RBFOX3: variants seen among roughly 807,000 people sequenced by gnomAD.
RBFOX3 encodes the protein RNA binding protein fox-1 homolog 3.
In RBFOX3, 17 loss-of-function variants were observed where a neutral mutation model predicts 48.7. That is an observed-to-expected ratio of 0.35 (90% CI 0.24 to 0.52). The LOEUF is 0.52. Ranked by LOEUF, RBFOX3 falls within the 20% of genes least tolerant of loss-of-function variation. RBFOX3 has a pLI of 0.94. For missense variants in RBFOX3, 382 were observed against 497.5 expected (o/e 0.77, Z 2.21); for synonymous variants, 212 against 209.5 (o/e 1.01, Z -0.10).
chr17:79,100,399 G>C (rs2076194772), intron 9 of RBFOX3: 1 of 152,252 alleles, frequency 6.6e-6, no homozygotes, highest in Non-Finnish European at 1.5e-5. Flanking sequence ...AAAAGAATTT[G>C]AGATGTGTAA....
intron 1 of RBFOX3, among the ~76,000 whole-genome samples, chr17:79,610,273 G>T (rs2093941842): frequency 1.3e-5 from 2 of 151,986 alleles, no homozygotes; most frequent in African/African-American, 4.8e-5. Context: ...CTCTCTCCGG[G>T]CCTGGGTGCC....
At chr17:79,406,129 G>A (rs1219366862) in intron 2 of RBFOX3, among the ~76,000 whole-genome samples, 1 of 152,194 alleles carries the variant, frequency 6.6e-6, no homozygotes. Context: ...GGGCTCTTGT[G>A]AACAGAGCTG....
At chr17:79,113,049 C>T (rs562398888) in intron 5 of RBFOX3, among the ~76,000 whole-genome samples, 9 of 152,090 alleles carry the variant, frequency 5.9e-5, no homozygotes, top group Non-Finnish European at 1.3e-4. Context: ...AAGCTCTGAA[C>T]TCATCCCACT....
chr17:79,110,126 C>G (rs1308684627), intron 5 of RBFOX3, among the ~76,000 whole-genome samples: 2 of 100,592 alleles, frequency 2.0e-5, no homozygotes, highest in Admixed American at 2.1e-4. Flanking sequence ...TTCTTTCCCC[C>G]ACTCAAAAAA....
the RBFOX3 span, among the ~76,000 whole-genome samples, chr17:79,656,507 G>C: frequency 6.6e-6 from 1 of 151,826 alleles, no homozygotes; most frequent in Non-Finnish European, 1.5e-5. Flanking sequence ...GCAGCTATTC[G>C]GGAGGCTGAG....
At chr17:79,264,289 T>C (rs1429002694) in intron 3 of RBFOX3, among the ~76,000 whole-genome samples, 1 of 151,852 alleles carries the variant, frequency 6.6e-6, no homozygotes, top group Non-Finnish European at 1.5e-5. Flanking sequence ...TTGACCAGGC[T>C]GGTCTCGAAC....
intron 1 of RBFOX3, among the ~76,000 whole-genome samples, chr17:79,507,037 G>C (rs1340168516): frequency 6.6e-6 from 1 of 152,220 alleles, no homozygotes; most frequent in Non-Finnish European, 1.5e-5. Flanking sequence ...GAGCCCGTTG[G>C]TGGAATCTGA....
chr17:79,423,257 G>A lies in RBFOX3; in HGVS notation c.-175+59197C>T, dbSNP rs1555723723. Among the ~76,000 whole-genome samples the A allele has an allele frequency of 6.6e-6, 1 of 152,152 alleles. No homozygotes were observed. The highest frequency in any genetic ancestry group is 1.5e-5 in the Non-Finnish European group (1 of 68,022). On this transcript the variant is annotated intron_variant, in intron 2 of 14. Coordinates refer to ENST00000693108, the MANE Select transcript of RBFOX3 (RefSeq NM_001350451.2). The surrounding 1 kb of genome is among the most constrained non-coding windows in gnomAD (Gnocchi z 4.9). Reference sequence around the variant, plus strand: ...CATCTTTCCAGGTTCCCAGGTACAAGTTCGTGGCATTGTCCTGGATTCCTT... The same window carrying A: ...CATCTTTCCAGGTTCCCAGGTACAAATTCGTGGCATTGTCCTGGATTCCTT...
intron 4 of RBFOX3, among the ~76,000 whole-genome samples, chr17:79,128,423 T>G (rs982688529): frequency 7.9e-5 from 12 of 152,170 alleles, no homozygotes; most frequent in African/African-American, 2.4e-4. Context: ...CCGCCAGGGC[T>G]TTCCCAGGAT....
At chr17:79,383,911 C>T (rs2060241212) in intron 2 of RBFOX3, among the ~76,000 whole-genome samples, 1 of 152,088 alleles carries the variant, frequency 6.6e-6, no homozygotes, top group Non-Finnish European at 1.5e-5. Flanking sequence ...CCGGGACCCC[C>T]ATATGTGGCA....
At chr17:79,219,884 T>C (rs2059503831) in intron 4 of RBFOX3, among the ~76,000 whole-genome samples, 2 of 151,902 alleles carry the variant, frequency 1.3e-5, no homozygotes, top group South Asian at 2.1e-4. Context: ...TTTGGGCTAG[T>C]GTATCCCCTG....
chr17:79,558,833 G>T (rs1280838627), intron 1 of RBFOX3, among the ~76,000 whole-genome samples: 4 of 152,310 alleles, frequency 2.6e-5, no homozygotes, highest in Middle Eastern at 3.4e-3. Flanking sequence ...ATGGTGGGGG[G>T]TGTGCCAGGG....
the RBFOX3 span, among the ~76,000 whole-genome samples, chr17:79,662,267 C>T: frequency 7.9e-5 from 12 of 151,452 alleles, no homozygotes; most frequent in African/African-American, 1.9e-4. Flanking sequence ...GGACTACAGG[C>T]GCCCACCACC....
At position 79,103,423 on chromosome 17, in the gene RBFOX3, T is replaced by C. The variant is rs1568132844; in HGVS notation, c.415-169A>G. On this transcript the variant is annotated intron_variant, in intron 7 of 14. Coordinates refer to ENST00000693108, the MANE Select transcript of RBFOX3 (RefSeq NM_001350451.2). This position sits in a 1 kb window ranked among gnomAD's most constrained non-coding sequence, Gnocchi z 6.1. The stretch of plus-strand genomic sequence containing the variant: ...CAGAGACGCAGGCAGCCCAGAGGTC[T>C]GTCCTAGGGCCACCGGCAGGATGCC... Among the ~76,000 whole-genome samples, 1 of 152,046 alleles carries C rather than the reference T, an allele frequency of 6.6e-6. No individual in the cohort carries two copies.
intron 3 of RBFOX3, among the ~76,000 whole-genome samples, chr17:79,286,699 C>T (rs903976367): frequency 2.0e-5 from 3 of 152,150 alleles, no homozygotes; most frequent in Non-Finnish European, 4.4e-5. Flanking sequence ...GGTTCTTCTC[C>T]CTTGGTGTTA....
chr17:79,594,594 G>C (rs2093517576), intron 1 of RBFOX3, among the ~76,000 whole-genome samples: 1 of 152,334 alleles, frequency 6.6e-6, no homozygotes, highest in African/African-American at 2.4e-5. Context: ...CGAGGTTCTT[G>C]TTCCTGTCCC....
At chr17:79,110,092 G>A (rs992963473) in intron 5 of RBFOX3, among the ~76,000 whole-genome samples, 15 of 148,904 alleles carry the variant, frequency 1.0e-4, no homozygotes, top group Non-Finnish European at 1.8e-4. Context: ...AGCCTCCACC[G>A]CCTTTCCAGC....
At chr17:79,449,344 C>G (rs2073008357) in intron 2 of RBFOX3, among the ~76,000 whole-genome samples, 1 of 152,166 alleles carries the variant, frequency 6.6e-6, no homozygotes, top group African/African-American at 2.4e-5. Context: ...TTCCTCCCTA[C>G]AGCCTAGAAC....
rs1415373326 is a variant in RBFOX3, at chr17:79,481,458, T to C, written c.-175+996A>G. 6.6e-6 allele frequency among the ~76,000 whole-genome samples: 1 copy of C among 152,146 alleles called. No individual in the cohort carries two copies. The highest frequency in any genetic ancestry group is 1.9e-4 in the East Asian group (1 of 5,192). On this transcript the variant is annotated intron_variant, in intron 2 of 14. Coordinates refer to ENST00000693108, the MANE Select transcript of RBFOX3 (RefSeq NM_001350451.2). This position sits in a 1 kb window ranked among gnomAD's most constrained non-coding sequence, Gnocchi z 5.4. ...GTTTCCAAGGGATAGGAGTGTCTTC[T>C]GTTATTCATAAAAAGCCACTCCTGA...
Sources: allele counts gnomAD v4.1 joint callset (sites outside exome capture counted in the v4.1 genomes callset), GRCh38; gene constraint gnomAD v4.1.1; non-coding constraint Gnocchi (gnomAD v3.1); transcripts MANE v1.5; gene names NCBI Gene and HGNC (gene_info 2026-07-23, HGNC 2026-07-21).